The following LARGE1 variants were observed in gnomAD, a reference collection of about 807,000 sequenced individuals.
The protein encoded by LARGE1 is xylosyl- and glucuronyltransferase LARGE1.
A neutral mutation model predicts 87.6 loss-of-function variants in LARGE1; 43 were observed. The observed-to-expected ratio is 0.49, with a 90% CI of 0.38 to 0.63. The LOEUF is 0.63. Ranked by LOEUF, LARGE1 falls within the 30% of genes least tolerant of loss-of-function variation. The pLI is 0.00. For synonymous variants in LARGE1, 434 were observed against 394.6 expected (o/e 1.10, Z -1.18); for missense variants, 802 against 1,000.2 (o/e 0.80, Z 2.67).
chr22:33,828,258 T>C (rs1568965568), intron 1 of LARGE1, among the ~76,000 whole-genome samples: 1 of 152,152 alleles, frequency 6.6e-6, no homozygotes, highest in Admixed American at 6.5e-5. Context: ...TGACCTGCCT[T>C]TGAAGGGCAG....
intron 11 of LARGE1, among the ~76,000 whole-genome samples, chr22:33,175,820 A>T (rs1302321161): frequency 2.0e-5 from 3 of 152,166 alleles, no homozygotes; most frequent in Admixed American, 6.5e-5. Context: ...ATTTCAAATA[A>T]ACCAAAAAAG....
At chr22:33,842,600 C>T (rs1375896538) in intron 1 of LARGE1, among the ~76,000 whole-genome samples, 1 of 152,154 alleles carries the variant, frequency 6.6e-6, no homozygotes, top group Non-Finnish European at 1.5e-5. Context: ...CTGACGCGTG[C>T]AGGTGTCACG....
chr22:33,085,794 A>C, the LARGE1 span, among the ~76,000 whole-genome samples: 3 of 152,162 alleles, frequency 2.0e-5, no homozygotes, highest in Non-Finnish European at 2.9e-5. Context: ...ATGAAACTTC[A>C]AATTTAGCTT....
chr22:33,345,144 G>A (rs185373232), intron 9 of LARGE1, among the ~76,000 whole-genome samples: 3 of 152,246 alleles, frequency 2.0e-5, no homozygotes, highest in Admixed American at 6.5e-5. Context: ...GCCAGGCACT[G>A]CTCTGAAAAC....
chr22:33,082,312 A>T, the LARGE1 span, among the ~76,000 whole-genome samples: 1 of 152,228 alleles, frequency 6.6e-6, no homozygotes, highest in African/African-American at 2.4e-5. Flanking sequence ...TGCAGATGCC[A>T]GCAGATCTGT....
chr22:33,897,342 A>G (rs142518906), intron 1 of LARGE1, among the ~76,000 whole-genome samples: 256 of 152,244 alleles, frequency 1.7e-3, no homozygotes, highest in African/African-American at 6.0e-3. Context: ...CAAGCAGTAA[A>G]CTCTCATTGG....
chr22:33,146,315 A>G, the LARGE1 span, among the ~76,000 whole-genome samples: 2 of 152,044 alleles, frequency 1.3e-5, no homozygotes, highest in African/African-American at 4.8e-5. Context: ...CTTACCCAAA[A>G]CCCATTCTCC....
At chr22:33,123,585 A>G in the LARGE1 span, among the ~76,000 whole-genome samples, 1 of 152,222 alleles carries the variant, frequency 6.6e-6, no homozygotes, top group African/African-American at 2.4e-5. Context: ...ATAGGTAGCA[A>G]AGCATTACAA....
intron 6 of LARGE1, among the ~76,000 whole-genome samples, chr22:33,545,272 T>C (rs934239476): frequency 1.3e-5 from 2 of 151,364 alleles, no homozygotes; most frequent in African/African-American, 4.8e-5. Context: ...TTCTTTTTTT[T>C]TTTTTTTTTT....
chr22:33,763,686 T>C (rs2084806576), intron 1 of LARGE1, among the ~76,000 whole-genome samples: 1 of 152,146 alleles, frequency 6.6e-6, no homozygotes, highest in Non-Finnish European at 1.5e-5. Context: ...CTTATTCATC[T>C]ATAAATTAAG....
the LARGE1 span, among the ~76,000 whole-genome samples, chr22:33,089,371 C>CTTCTTCTTCTTCTA: frequency 1.3e-5 from 1 of 76,048 alleles, no homozygotes; most frequent in Non-Finnish European, 2.6e-5. Flanking sequence ...TTCTTCTTCT[C>CTTCTTCTTCTTCTA]CTTCTTCTTC....
chr22:33,361,195 G>A (rs1264374071), intron 9 of LARGE1, among the ~76,000 whole-genome samples: 3 of 148,966 alleles, frequency 2.0e-5, no homozygotes, highest in Non-Finnish European at 4.5e-5. Context: ...GGGTGACAGA[G>A]CAAGACTGTT....
chr22:33,663,097 C>T lies in LARGE1; in HGVS notation c.107-12429G>A, dbSNP rs577291672. ...TCACCCTTTCCTGACAAATCCAAAC[C>T]ATCCCTTAGGAGAAAATCAGAATGA... On this transcript the variant is annotated intron_variant, in intron 2 of 14. Coordinates refer to ENST00000397394, the MANE Select transcript of LARGE1 (RefSeq NM_133642.5). Among the ~76,000 whole-genome samples the T allele has an allele frequency of 9.2e-5, 14 of 152,052 alleles. No individual in the cohort carries two copies. The South Asian group carries it at 2.9e-3, about 32-fold the overall frequency.
At chr22:33,631,356 A>G (rs1021543086) in intron 3 of LARGE1, among the ~76,000 whole-genome samples, 4 of 152,234 alleles carry the variant, frequency 2.6e-5, no homozygotes, top group African/African-American at 9.6e-5. Flanking sequence ...CTGTTTTATA[A>G]CAACACATAG....
chr22:33,271,765 C>A (rs1021638306), downstream of LARGE1, among the ~76,000 whole-genome samples: 2 of 152,218 alleles, frequency 1.3e-5, no homozygotes, highest in East Asian at 3.8e-4. Flanking sequence ...GCTGGCTCTG[C>A]GGACCTCAGC....
At chr22:33,713,798 A>C (rs941917022) in intron 2 of LARGE1, among the ~76,000 whole-genome samples, 2 of 151,774 alleles carry the variant, frequency 1.3e-5, no homozygotes, top group South Asian at 2.1e-4. Context: ...GCCTACAAAA[A>C]ATTTAATATT....
rs186946274 is a variant in LARGE1 at position 33,582,128 on chromosome 22, G to C, written c.616-17109C>G. On this transcript the variant is annotated intron_variant, in intron 5 of 14. Coordinates refer to ENST00000397394, the MANE Select transcript of LARGE1 (RefSeq NM_133642.5). ...GAGACACTTTTGGTTGTCATGACTT[G>C]GGCACTGGGGTGCTACTGGATCCAG... Among the ~76,000 whole-genome samples, 41 of 152,244 alleles carry C rather than the reference G, an allele frequency of 2.7e-4. No homozygotes were observed. In the East Asian group the frequency reaches 7.9e-3, roughly 29 times the overall value.
At chr22:33,086,516 C>A in the LARGE1 span, among the ~76,000 whole-genome samples, 1 of 147,568 alleles carries the variant, frequency 6.8e-6, no homozygotes. Context: ...ATTATATGGA[C>A]AATTGTTTGG....
At chr22:33,239,109 T>C (rs1926385181) in intron 11 of LARGE1, among the ~76,000 whole-genome samples, 1 of 144,898 alleles carries the variant, frequency 6.9e-6, no homozygotes, top group Admixed American at 6.9e-5. Flanking sequence ...ATTAGGAATG[T>C]AAAAAAAAAA....
Sources: gnomAD v4.1 joint callset for allele counts (sites outside exome capture counted in the v4.1 genomes callset) on GRCh38, gnomAD v4.1.1 for gene constraint, MANE v1.5 for transcripts, NCBI Gene and HGNC (gene_info 2026-07-23, HGNC 2026-07-21) for gene names.